The following DIP2B variants were observed in gnomAD, a reference collection of about 807,000 sequenced individuals.
DIP2B encodes the protein DIP2 acetate--CoA ligase B (putative), also known as disco-interacting protein 2 homolog B.
DIP2B carries 76 observed loss-of-function variants against 198.0 expected under a neutral mutation model. The ratio of observed to expected loss-of-function variants is 0.38; its 90% CI spans 0.32 to 0.46. DIP2B has a LOEUF of 0.46. Ranked by LOEUF, DIP2B falls within the 20% of genes least tolerant of loss-of-function variation. The pLI is 0.99. For synonymous variants in DIP2B, 701 were observed against 739.1 expected (o/e 0.95, Z 0.84); for missense variants, 1,559 against 1,978.4 (o/e 0.79, Z 4.02).
At chr12:50,524,471 T>A (rs565340093) in intron 1 of DIP2B, among the ~76,000 whole-genome samples, 1 of 152,288 alleles carries the variant, frequency 6.6e-6, no homozygotes, top group South Asian at 2.1e-4. Context: ...TTCAGCCACA[T>A]TGGCTGACTC....
At chr12:50,612,212 A>C (rs1406864440) in intron 1 of DIP2B, among the ~76,000 whole-genome samples, 1 of 151,982 alleles carries the variant, frequency 6.6e-6, no homozygotes, top group Admixed American at 6.6e-5. Flanking sequence ...GCACGACTGC[A>C]CTCCAGCCTG....
intron 4 of DIP2B, among the ~76,000 whole-genome samples, chr12:50,664,692 C>A (rs1489460772): frequency 6.6e-6 from 1 of 152,042 alleles, no homozygotes; most frequent in Non-Finnish European, 1.5e-5. Context: ...ACCAAATAGA[C>A]CACATAATGA....
intron 6 of DIP2B, among the ~76,000 whole-genome samples, chr12:50,674,972 G>A (rs558068255): frequency 1.1e-3 from 161 of 152,300 alleles, no homozygotes; most frequent in African/African-American, 3.4e-3. Flanking sequence ...AGACCATCCT[G>A]GCTAACACAG....
At chr12:50,639,603 T>TC (rs1291027793) in intron 2 of DIP2B, among the ~76,000 whole-genome samples, 1 of 152,162 alleles carries the variant, frequency 6.6e-6, no homozygotes, top group East Asian at 1.9e-4. Context: ...TTTTTTTTTT[T>TC]CCTTAATTTT....
intron 1 of DIP2B, among the ~76,000 whole-genome samples, chr12:50,554,553 C>G (rs1265379942): frequency 6.6e-6 from 1 of 152,092 alleles, no homozygotes; most frequent in Non-Finnish European, 1.5e-5. Flanking sequence ...TAGGTTGTTC[C>G]TGGAATCTTC....
At chr12:50,570,763 T>G (rs1286909378) in intron 1 of DIP2B, among the ~76,000 whole-genome samples, 1 of 152,214 alleles carries the variant, frequency 6.6e-6, no homozygotes, top group African/African-American at 2.4e-5. Flanking sequence ...ATTAAATATA[T>G]GGATATATGA....
At chr12:50,527,954 G>C (rs548915531) in intron 1 of DIP2B, among the ~76,000 whole-genome samples, 43 of 147,848 alleles carry the variant, frequency 2.9e-4, no homozygotes, top group African/African-American at 1.1e-3. Flanking sequence ...TGGAGACAGA[G>C]TCTTAGTCTG....
chr12:50,510,896 C>T (rs1469644718), intron 1 of DIP2B, among the ~76,000 whole-genome samples: 6 of 151,474 alleles, frequency 4.0e-5, no homozygotes, highest in Non-Finnish European at 5.9e-5. Flanking sequence ...CCGCCCACCT[C>T]GGCCTCCCAA....
chr12:50,704,246 T>C (rs1939474119), intron 20 of DIP2B, 26 bp downstream of exon 20: 1 of 1,601,408 alleles, frequency 6.2e-7, no homozygotes, highest in Non-Finnish European at 8.5e-7. Context: ...ATGTTGATTT[T>C]GTTACATTTG....
intron 1 of DIP2B, among the ~76,000 whole-genome samples, chr12:50,590,236 C>T (rs537729917): frequency 2.6e-5 from 4 of 152,040 alleles, no homozygotes; most frequent in East Asian, 1.9e-4. Flanking sequence ...TGGGCTCAGG[C>T]GAGCCTTCTG....
intron 33 of DIP2B, among the ~76,000 whole-genome samples, chr12:50,734,562 C>G (rs1459507556): frequency 2.6e-5 from 4 of 152,140 alleles, no homozygotes; most frequent in African/African-American, 9.7e-5. Flanking sequence ...AACACTTTAT[C>G]TGAGCCCCAT....
At chr12:50,660,045 T>G in intron 3 of DIP2B, 149 bp from the exon 4 acceptor site, 1 of 830,866 alleles carries the variant, frequency 1.2e-6, no homozygotes, top group Non-Finnish European at 1.7e-6. Flanking sequence ...TTCTAATTGG[T>G]CTTAATCAAA....
intron 1 of DIP2B, among the ~76,000 whole-genome samples, chr12:50,549,234 C>T (rs553568662): frequency 5.0e-4 from 75 of 151,196 alleles, no homozygotes; most frequent in African/African-American, 1.7e-3. Flanking sequence ...TTTGGGAGGC[C>T]GAGGTGGGTG....
intron 3 of DIP2B, among the ~76,000 whole-genome samples, chr12:50,641,761 G>C (rs1043331170): frequency 2.0e-5 from 3 of 152,106 alleles, no homozygotes; most frequent in Non-Finnish European, 4.4e-5. Context: ...GCAGAGGAAC[G>C]ACTGGTAGAT....
At chr12:50,698,204 T>A (rs1939352109) in intron 17 of DIP2B, 124 bp from the exon 18 acceptor site, 2 of 1,234,766 alleles carry the variant, frequency 1.6e-6, no homozygotes, top group East Asian at 5.0e-5. Flanking sequence ...TTTGGCATAT[T>A]TTTGGGAGAG....
chr12:50,640,799 C>G lies in DIP2B; in HGVS notation c.248C>G (p.Ser83Cys). The G allele has an allele frequency of 6.2e-7, 1 of 1,614,044 alleles. No homozygotes were observed. The highest frequency in any genetic ancestry group is 8.5e-7 in the Non-Finnish European group (1 of 1,179,912). ...TCTGCAGCTCAAACTTCTGCTCCCT[C>G]TAAGTACCACCGAACTCGATCTGGG... ...APSAAQTSAP[S>C]KYHRTRSGGA... Residue 83 changes from serine to cysteine, a missense_variant, in exon 3 of 38, where the codon TCT becomes TGT. Coordinates refer to ENST00000301180, the MANE Select transcript of DIP2B (RefSeq NM_173602.3).
At chr12:50,626,089 C>A in intron 2 of DIP2B, 42 bp downstream of exon 2, 1 of 1,583,778 alleles carries the variant, frequency 6.3e-7, no homozygotes, top group Non-Finnish European at 8.7e-7. Flanking sequence ...AGTATTTTTA[C>A]ACCAAAAGAT....
chr12:50,544,396 A>T (rs1354775192), intron 1 of DIP2B, among the ~76,000 whole-genome samples: 1 of 151,914 alleles, frequency 6.6e-6, no homozygotes, highest in Non-Finnish European at 1.5e-5. Flanking sequence ...AACCTCCGCC[A>T]CCTGGGTTCA....
At position 50,537,114 on chromosome 12, in the gene DIP2B, ATTTTTTTT is replaced by A. The variant is rs34202995; in HGVS notation, c.100+31894_100+31901del. Among the ~76,000 whole-genome samples the A allele has an allele frequency of 2.2e-4, 7 of 32,226 alleles. No individual in the cohort carries two copies. The East Asian group carries it at 0.011, about 49-fold the overall frequency. The allele number at this position is 32,226 out of a possible 152,430, so 21.1% of individuals were successfully genotyped here. A position where few individuals can be genotyped will look rare whatever the true frequency, so the allele number is the denominator to read the frequency against. On this transcript the variant is annotated intron_variant, in intron 1 of 37. Transcript: ENST00000301180. ...CAGATTGCTTGTTTATTATTCTCTA[ATTTTTTTT>A]TTTTTTTTTTTTTTTTTTTGTAGAG...
Sources: allele counts gnomAD v4.1 joint callset (sites outside exome capture counted in the v4.1 genomes callset), GRCh38; gene constraint gnomAD v4.1.1; transcripts MANE v1.5; gene names NCBI Gene and HGNC (gene_info 2026-07-23, HGNC 2026-07-21).